Variants in PMF1 observed in about 807,000 individuals in gnomAD.
PMF1 encodes polyamine-modulated factor 1.
A neutral mutation model predicts 26.7 loss-of-function variants in PMF1; 21 were observed. The ratio of observed to expected loss-of-function variants is 0.79; its 90% CI spans 0.56 to 1.13. The LOEUF is 1.13. Among genes scored for constraint, PMF1 ranks in the 50% most tolerant of loss-of-function variants. The pLI is 0.00. For missense variants in PMF1, 266 were observed against 254.9 expected (o/e 1.04, Z -0.30); for synonymous variants, 105 against 101.0 (o/e 1.04, Z -0.24).
intron 4 of PMF1, 35 bp downstream of exon 4, chr1:156,236,518 T>C: frequency 3.8e-6 from 6 of 1,562,584 alleles, no homozygotes; most frequent in Non-Finnish European, 5.2e-6. Flanking sequence ...CTCTTCCTTC[T>C]CTAATGGGCC....
At chr1:156,236,575 A>G (rs1051148957) in intron 4 of PMF1, 92 bp downstream of exon 4, 1 of 1,477,484 alleles carries the variant, frequency 6.8e-7, no homozygotes, top group South Asian at 1.3e-5. Context: ...AACACAGGGG[A>G]CCCCCACAGG....
chr1:156,237,773 T>C (rs1324187552), intron 4 of PMF1, among the ~76,000 whole-genome samples: 1 of 151,222 alleles, frequency 6.6e-6, no homozygotes, highest in Non-Finnish European at 1.5e-5. Context: ...TCAACTTTGT[T>C]TTTGAGACAG....
rs1657940024 is a variant in PMF1 at position 156,219,079 on chromosome 1, G to C, written c.161+5903G>C. Among the ~76,000 whole-genome samples, 4 of 151,222 alleles carry C rather than the reference G, an allele frequency of 2.6e-5. No homozygotes were observed. The South Asian group carries it at 8.4e-4, about 32-fold the overall frequency. Reference sequence around the variant, plus strand: ...ACTACAGGTGCACACCACCACACCTGGCTAATTTTTATATTTTTAGTAGAG... The same window carrying C: ...ACTACAGGTGCACACCACCACACCTCGCTAATTTTTATATTTTTAGTAGAG... On this transcript the variant is annotated intron_variant, in intron 1 of 4. Coordinates refer to ENST00000368277, the MANE Select transcript of PMF1 (RefSeq NM_007221.4).
At chr1:156,219,108 G>A (rs371423621) in intron 1 of PMF1, among the ~76,000 whole-genome samples, 16 of 151,678 alleles carry the variant, frequency 1.1e-4, no homozygotes, top group African/African-American at 1.5e-4. Context: ...AGTAGAGACC[G>A]GGGTTTCACC....
At chr1:156,227,823 T>G (rs3001789) in intron 1 of PMF1, among the ~76,000 whole-genome samples, 55,314 of 151,216 alleles carry the variant, frequency 0.37, 10,220 homozygotes, top group African/African-American at 0.41. Flanking sequence ...TTGAGACAGG[T>G]TCTTGCTGTG....
chr1:156,228,275 T>TTTA lies in PMF1; in HGVS notation c.162-4043_162-4042insATT, dbSNP rs1466685141. Among the ~76,000 whole-genome samples, 763 of 144,038 alleles carry TTTA rather than the reference T, an allele frequency of 5.3e-3. 12 individuals are homozygous for TTTA. Among genetic ancestry groups the TTTA allele is most frequent in the African/African-American group, 0.019 (735 of 38,798 alleles). 94.5% of individuals were successfully genotyped at this position (144,038 alleles called of 152,430 possible). On this transcript the variant is annotated intron_variant, in intron 1 of 4. Coordinates refer to ENST00000368277, the MANE Select transcript of PMF1 (RefSeq NM_007221.4). ...CTGGCGATTTTTTTTTTTTTTTTTT[T>TTTA]TTTTTTTTTTTTTAGTGTATCACTT... is the stretch of plus-strand genomic sequence containing the variant.
At chr1:156,214,303 G>A (rs550057144) in intron 1 of PMF1, among the ~76,000 whole-genome samples, 8 of 152,214 alleles carry the variant, frequency 5.3e-5, no homozygotes, top group South Asian at 2.1e-4. Context: ...CCAGGAGTTC[G>A]GTGCCCTGAC....
chr1:156,235,218 G>A (rs563914331), intron 3 of PMF1, among the ~76,000 whole-genome samples: 2 of 151,366 alleles, frequency 1.3e-5, no homozygotes, highest in African/African-American at 2.4e-5. Flanking sequence ...TCAGCCTCCC[G>A]GGTCCAAGCG....
rs149234585 is a variant in PMF1, at chr1:156,230,361, C to G, written c.162-1959C>G. Among the ~76,000 whole-genome samples, 502 of 152,370 alleles carry G rather than the reference C, an allele frequency of 3.3e-3. 1 individual carries two copies. Among genetic ancestry groups the G allele is most frequent in the African/African-American group, 0.012 (483 of 41,584 alleles). On this transcript the variant is annotated intron_variant, in intron 1 of 4. Transcript: ENST00000368277. ...CGTTGATACACTGTTAGCCCTATAA[C>G]TCTGGCCTTTTTCTTTTAAACCACT...
chr1:156,232,082 C>G (rs1405858336), intron 1 of PMF1, among the ~76,000 whole-genome samples: 3 of 152,126 alleles, frequency 2.0e-5, no homozygotes, highest in Non-Finnish European at 4.4e-5. Context: ...GAGATAAACA[C>G]TTAAACTCAC....
chr1:156,232,919 CTT>C (rs57297712), intron 2 of PMF1, among the ~76,000 whole-genome samples: 16 of 114,278 alleles, frequency 1.4e-4, no homozygotes, highest in Admixed American at 3.0e-4. Context: ...TTTTTTCTTC[CTT>C]TTTTTTTTTT....
At chr1:156,225,490 A>C in intron 1 of PMF1, 2 of 888,518 alleles carry the variant, frequency 2.3e-6, no homozygotes, top group East Asian at 2.8e-5. Context: ...CCATTGTACC[A>C]TTCTTCTGCC....
At chr1:156,236,576 C>T in intron 4 of PMF1, 93 bp downstream of exon 4, 1 of 1,472,878 alleles carries the variant, frequency 6.8e-7, no homozygotes, top group African/African-American at 1.4e-5. Flanking sequence ...ACACAGGGGA[C>T]CCCCACAGGG....
intron 1 of PMF1, among the ~76,000 whole-genome samples, chr1:156,230,789 T>C (rs752223653): frequency 3.3e-5 from 5 of 152,242 alleles, no homozygotes; most frequent in Admixed American, 1.3e-4. Context: ...TGGCTGGGCA[T>C]GATGGCTCAC....
chr1:156,236,293 C>T lies in PMF1; in HGVS notation c.374C>T (p.Pro125Leu). The T allele has an allele frequency of 6.2e-7, 1 of 1,607,548 alleles. No homozygotes were observed. The highest frequency in any genetic ancestry group is 1.1e-5 in the South Asian group (1 of 90,972). Residue 125 changes from proline (P) to leucine (L), a missense_variant, in exon 4 of 5, where the codon CCC becomes CTC. Physicochemically the swap from Pro to Leu is moderately conservative, Grantham distance 98. Transcript: ENST00000368277. ...GKVRKEPAWRPSGIPEKDLHS... is the reference protein window; with the variant it reads ...GKVRKEPAWRLSGIPEKDLHS... ...TGCCCCGTGTGGCCCTCCAGGCGCC[C>T]CAGCGGGATCCCAGAGAAGGATCTG...
chr1:156,234,351 A>G (rs1188035779), intron 3 of PMF1, among the ~76,000 whole-genome samples: 1 of 151,774 alleles, frequency 6.6e-6, no homozygotes, highest in African/African-American at 2.4e-5. Flanking sequence ...CCTGTGGGAG[A>G]AAGGGTGGGT....
In PMF1 at chr1:156,239,765, A is replaced by C. The variant is rs1659242196; in HGVS notation, c.*164A>C. On this transcript the variant is annotated 3_prime_UTR_variant, in exon 5 of 5. Transcript: ENST00000368277. ...CTAGGCCAGAGCAAGCCTCACTGCC[A>C]CTGTGCCTTTGGGGCACCCTTGGGG... 2 of 615,252 alleles carry C rather than the reference A, an allele frequency of 3.3e-6. No individual in the cohort carries two copies. Among genetic ancestry groups the C allele is most frequent in the Non-Finnish European group, 5.8e-6 (2 of 342,832 alleles). 38.1% of individuals were successfully genotyped at this position (615,252 alleles called of 1,614,324 possible). A position where few individuals can be genotyped will look rare whatever the true frequency, so the allele number is the denominator to read the frequency against.
At chr1:156,232,148 C>T (rs2103118193) in intron 1 of PMF1, among the ~76,000 whole-genome samples, 172 bp from the exon 2 acceptor site, 1 of 152,326 alleles carries the variant, frequency 6.6e-6, no homozygotes, top group Non-Finnish European at 1.5e-5. Context: ...TGGGGTTGAA[C>T]CATCCTCGGT....
chr1:156,236,639 G>T (rs1202511303), intron 4 of PMF1, 156 bp downstream of exon 4: 1 of 961,078 alleles, frequency 1.0e-6, no homozygotes, highest in South Asian at 1.7e-5. Flanking sequence ...CTCCTTGGGC[G>T]TGTGCAGTAG....
Sources: gnomAD v4.1 joint callset for allele counts (sites outside exome capture counted in the v4.1 genomes callset) on GRCh38, gnomAD v4.1.1 for gene constraint, MANE v1.5 for transcripts, NCBI Gene and HGNC (gene_info 2026-07-23, HGNC 2026-07-21) for gene names.